OXR1: variants seen among roughly 807,000 people sequenced by gnomAD.
OXR1 encodes the protein oxidation resistance 1, also known as oxidation resistance protein 1.
A neutral mutation model predicts 104.6 loss-of-function variants in OXR1; 41 were observed. The ratio of observed to expected loss-of-function variants is 0.39; its 90% confidence interval spans 0.31 to 0.51. The LOEUF (loss-of-function observed/expected upper bound fraction) is 0.51. OXR1 is among the 20% of genes least tolerant of loss of function. The probability of loss-of-function intolerance (pLI) is 0.77; values close to 1 mark genes in which losing one functional copy is unlikely to be tolerated. For synonymous variants in OXR1, 348 were observed against 348.4 expected, an observed-to-expected ratio of 1.00 and a Z score of 0.01; for missense variants, 955 against 1,031.9, an observed-to-expected ratio of 0.93 and a Z score of 1.02.
chr8:106,538,588 G>A (rs1814721792), intron 3 of OXR1, among the ~76,000 whole-genome samples: 1 of 152,074 alleles, frequency 6.6e-6, no homozygotes, highest in Admixed American at 6.6e-5. Context: ...TTGTTTTGCA[G>A]TTTCATAAAC....
intron 3 of OXR1, among the ~76,000 whole-genome samples, chr8:106,527,437 C>A (rs190513765): frequency 1.3e-5 from 2 of 152,150 alleles, no homozygotes; most frequent in African/African-American, 4.8e-5. Flanking sequence ...TTTCATACTG[C>A]GCTTACCTTT....
chr8:106,523,597 A>T (rs1813421208), intron 3 of OXR1, among the ~76,000 whole-genome samples: 1 of 152,166 alleles, frequency 6.6e-6, no homozygotes, highest in Admixed American at 6.5e-5. Flanking sequence ...TTTATTTCAT[A>T]GTCCATTAAT....
chr8:106,683,668 T>TC (rs1486252480), intron 5 of OXR1, among the ~76,000 whole-genome samples: 1 of 152,210 alleles, frequency 6.6e-6, no homozygotes, highest in East Asian at 1.9e-4. Context: ...TTGCATTTCT[T>TC]TCAGGAATAA....
rs980730482 is a variant in OXR1, at chr8:106,751,579, A to G, written c.*638A>G. ...TTCTGGTTGTAATAGATGACAGTAC[A>G]TATGATCTGCAGGTTTGGGCATATG... is the stretch of plus-strand genomic sequence containing the variant. On this transcript the variant is annotated 3_prime_UTR_variant, in exon 17 of 17. Coordinates refer to ENST00000517566, the MANE Select transcript of OXR1 (RefSeq NM_001198533.2). 2 of 152,596 alleles carry G rather than the reference A, an allele frequency of 1.3e-5. No individual in the cohort carries two copies. Among genetic ancestry groups the G allele is most frequent in the African/African-American group, 2.4e-5 (1 of 41,452 alleles). 9.5% of individuals were successfully genotyped at this position (152,596 alleles called of 1,614,324 possible).
chr8:106,587,271 A>AT (rs574302455), intron 3 of OXR1, among the ~76,000 whole-genome samples: 137 of 148,940 alleles, frequency 9.2e-4, no homozygotes, highest in African/African-American at 2.2e-3. Flanking sequence ...AAGTTCTCTA[A>AT]TTTTTTTTTT....
intron 3 of OXR1, among the ~76,000 whole-genome samples, chr8:106,601,177 T>C (rs1236448346): frequency 6.6e-6 from 1 of 152,148 alleles, no homozygotes; most frequent in Non-Finnish European, 1.5e-5. Flanking sequence ...AGTGTAGAAA[T>C]TTGAGAAAAT....
At chr8:106,602,033 C>T (rs1200049060) in intron 3 of OXR1, among the ~76,000 whole-genome samples, 2 of 152,104 alleles carry the variant, frequency 1.3e-5, no homozygotes, top group Non-Finnish European at 2.9e-5. Context: ...GAGGGCCTCA[C>T]TCCTACAACC....
chr8:106,550,647 G>A (rs1431308092), intron 3 of OXR1, among the ~76,000 whole-genome samples: 1 of 152,046 alleles, frequency 6.6e-6, no homozygotes, highest in Non-Finnish European at 1.5e-5. Context: ...GTTTTATAAG[G>A]CAGTTTTCCC....
chr8:106,556,946 C>A (rs1276906460), intron 3 of OXR1, among the ~76,000 whole-genome samples: 1 of 152,228 alleles, frequency 6.6e-6, no homozygotes. Flanking sequence ...CAAGACTGAG[C>A]AATTCCCTTC....
At chr8:106,379,839 G>A (rs867132312) in intron 2 of OXR1, among the ~76,000 whole-genome samples, 6 of 151,904 alleles carry the variant, frequency 3.9e-5, no homozygotes, top group Middle Eastern at 3.4e-3. Context: ...TACCAAACCC[G>A]GTCCAAACCT....
chr8:106,336,116 T>C (rs1357340830), intron 1 of OXR1, among the ~76,000 whole-genome samples: 3 of 152,074 alleles, frequency 2.0e-5, no homozygotes, highest in African/African-American at 7.2e-5. Flanking sequence ...ATAATAGAAA[T>C]AAAAAGGCTA....
chr8:106,616,433 G>T (rs1432843741), intron 3 of OXR1, among the ~76,000 whole-genome samples: 1 of 151,838 alleles, frequency 6.6e-6, no homozygotes, highest in Non-Finnish European at 1.5e-5. Context: ...GTATTGAACA[G>T]CATTCATAGG....
intron 2 of OXR1, among the ~76,000 whole-genome samples, chr8:106,391,751 T>C (rs904469532): frequency 6.6e-6 from 1 of 152,174 alleles, no homozygotes; most frequent in Non-Finnish European, 1.5e-5. Context: ...TTAGTGTTTT[T>C]CCATACAGTA....
At chr8:106,726,296 A>G (rs559000508) in intron 11 of OXR1, 13 of 1,504,876 alleles carry the variant, frequency 8.6e-6, no homozygotes, top group Non-Finnish European at 1.2e-5. Flanking sequence ...CCAATTAATC[A>G]TAAATACACT....
chr8:106,485,264 T>C (rs1315557900), intron 2 of OXR1, among the ~76,000 whole-genome samples: 1 of 152,106 alleles, frequency 6.6e-6, no homozygotes, highest in Non-Finnish European at 1.5e-5. Flanking sequence ...TATACATTCT[T>C]CCAAACCCAT....
chr8:106,352,975 G>A (rs543181001), intron 1 of OXR1, among the ~76,000 whole-genome samples: 2 of 152,228 alleles, frequency 1.3e-5, no homozygotes, highest in African/African-American at 4.8e-5. Flanking sequence ...TTAAAATCTT[G>A]TCTCTAGAGA....
At chr8:106,554,755 C>G (rs931564956) in intron 3 of OXR1, among the ~76,000 whole-genome samples, 7 of 152,122 alleles carry the variant, frequency 4.6e-5, no homozygotes, top group Non-Finnish European at 8.8e-5. Flanking sequence ...AACCAGTGCT[C>G]TAAGCCAATG....
At chr8:106,614,005 T>G (rs1821002781) in intron 3 of OXR1, among the ~76,000 whole-genome samples, 1 of 152,222 alleles carries the variant, frequency 6.6e-6, no homozygotes, top group Admixed American at 6.5e-5. Flanking sequence ...GAGTGCATTT[T>G]GAGAAATGTG....
intron 3 of OXR1, among the ~76,000 whole-genome samples, chr8:106,588,545 T>G (rs1437760382): frequency 6.6e-6 from 1 of 151,684 alleles, no homozygotes; most frequent in African/African-American, 2.4e-5. Context: ...TAGAGTGCAG[T>G]GGCGCGATCT....
Sources: gnomAD v4.1 joint callset for allele counts (sites outside exome capture counted in the v4.1 genomes callset) on GRCh38, gnomAD v4.1.1 for gene constraint, MANE v1.5 for transcripts, NCBI Gene and HGNC (gene_info 2026-07-23, HGNC 2026-07-21) for gene names.